The following CDH5 variants were observed in gnomAD, a reference collection of about 807,000 sequenced individuals.
CDH5 encodes cadherin 5, also known as cadherin-5.
A neutral mutation model predicts 62.0 loss-of-function variants in CDH5; 28 were observed. The ratio of observed to expected loss-of-function variants is 0.45; its 90% CI spans 0.33 to 0.62. CDH5 has a LOEUF of 0.62. Ranked by LOEUF, CDH5 falls within the 20% of genes least tolerant of loss-of-function variation. The probability of loss-of-function intolerance (pLI) is 0.02; values close to 1 mark genes in which losing one functional copy is unlikely to be tolerated. For missense variants in CDH5, 940 were observed against 1,065.1 expected (o/e 0.88, Z 1.63); for synonymous variants, 464 against 445.8 (o/e 1.04, Z -0.52).
chr16:66,401,909 G>T (rs1221761726), intron 11 of CDH5, among the ~76,000 whole-genome samples: 1 of 152,206 alleles, frequency 6.6e-6, no homozygotes, highest in East Asian at 1.9e-4. Context: ...ACAGCCACGG[G>T]GCACCTGCAA....
intron 11 of CDH5, 137 bp from the exon 12 acceptor site, chr16:66,402,515 G>T: frequency 2.9e-6 from 2 of 699,846 alleles, no homozygotes; most frequent in African/African-American, 2.1e-5. Context: ...GGGTTGCAGG[G>T]GAAGGGGGGG....
chr16:66,386,897 G>T lies in CDH5; in HGVS notation c.299G>T (p.Gly100Val). ...GTCTTCCGGGTCGATGCAGAGACAG[G>T]AGACGTGTTCGCCATTGAGAGGCTG... ...GKVFRVDAET[G>V]DVFAIERLDR... Residue 100 changes from glycine (G) to valine (V), a missense_variant, in exon 3 of 12, where the codon GGA becomes GTA. Transcript: ENST00000341529. 1 of 1,614,222 alleles carries T rather than the reference G, an allele frequency of 6.2e-7. No individual in the cohort carries two copies. The highest frequency in any genetic ancestry group is 8.5e-7 in the Non-Finnish European group (1 of 1,180,042).
chr16:66,374,591 G>A (rs1025204711), intron 1 of CDH5, among the ~76,000 whole-genome samples: 1 of 152,082 alleles, frequency 6.6e-6, no homozygotes, highest in Non-Finnish European at 1.5e-5. Flanking sequence ...GCCAGACAAA[G>A]CCCACTGAGG....
chr16:66,379,184 T>C, intron 1 of CDH5, 135 bp from the exon 2 acceptor site: 1 of 693,106 alleles, frequency 1.4e-6, no homozygotes, highest in Non-Finnish European at 2.5e-6. Context: ...GGAACAATAA[T>C]GTTAATTACC....
At chr16:66,401,768 C>A (rs11648893) in intron 11 of CDH5, among the ~76,000 whole-genome samples, 3,427 of 152,300 alleles carry the variant, frequency 0.023, 52 homozygotes, top group Non-Finnish European at 0.034. Context: ...CCAGCATCAT[C>A]CCACCGGGGG....
chr16:66,376,790 C>G (rs949140059), intron 1 of CDH5, among the ~76,000 whole-genome samples: 2 of 152,180 alleles, frequency 1.3e-5, no homozygotes, highest in Admixed American at 1.3e-4. Flanking sequence ...CATCTCTGAT[C>G]GCCAGCTGAT....
At position 66,386,845 on chromosome 16, in the gene CDH5, C is replaced by G; in HGVS notation, c.247C>G (p.Leu83Val). The change falls in exon 3 of 12, where the codon CTG (leucine) becomes GTG (valine). Residue 83 changes from leucine (L) to valine (V), a missense_variant. By Grantham distance (32) the Leu-to-Val change is conservative. Transcript: ENST00000341529. ...CGTGAGTCGCAAGAATGCCAAGTACCTGCTCAAAGGAGAATATGTGGGCAA... is the reference window on the plus strand; with the variant it reads ...CGTGAGTCGCAAGAATGCCAAGTACGTGCTCAAAGGAGAATATGTGGGCAA... ...SSVSRKNAKYLLKGEYVGKVF... is the reference protein window; with the variant it reads ...SSVSRKNAKYVLKGEYVGKVF... 6.2e-7 allele frequency: 1 copy of G among 1,613,528 alleles called. No individual in the cohort carries two copies. Among genetic ancestry groups the G allele is most frequent in the African/African-American group, 1.3e-5 (1 of 75,030 alleles).
chr16:66,400,975 A>C lies in CDH5; in HGVS notation c.1796A>C (p.Gln599Pro). 1 of 1,614,110 alleles carries C rather than the reference A, an allele frequency of 6.2e-7. No individual in the cohort carries two copies. The highest frequency in any genetic ancestry group is 8.5e-7 in the Non-Finnish European group (1 of 1,180,042). The change falls in exon 11 of 12, where the codon CAG becomes CCG. Residue 599 changes from glutamine (Q) to proline (P), a missense_variant. Physicochemically the swap from Gln to Pro is moderately conservative, Grantham distance 76. Coordinates refer to ENST00000341529, the MANE Select transcript of CDH5 (RefSeq NM_001795.5). Reference protein sequence around the residue: ...DMAAQVGVSIQAVVAILLCIL... With the variant: ...DMAAQVGVSIPAVVAILLCIL... ...GCCGCCCAGGTGGGCGTGAGCATCC[A>C]GGCAGTGGTAGCCATCTTACTCTGC... is the stretch of plus-strand genomic sequence containing the variant.
chr16:66,387,638 T>C (rs1380983766), intron 3 of CDH5, among the ~76,000 whole-genome samples: 1 of 152,252 alleles, frequency 6.6e-6, no homozygotes, highest in Non-Finnish European at 1.5e-5. Flanking sequence ...CACTACTCTT[T>C]GGAACAAACT....
Position 66,387,114 on chromosome 16 carries a change from C to G in CDH5, c.499+17C>G. 1.3e-6 allele frequency: 2 copies of G among 1,598,318 alleles called. No homozygotes were observed. Among genetic ancestry groups the G allele is most frequent in the Non-Finnish European group, 1.7e-6 (2 of 1,170,934 alleles). The stretch of plus-strand genomic sequence containing the variant: ...CGGCTGTGGGTACGTTGCATGCCCA[C>G]TCTGTCCTCCTCCCTCCCTCATCCC... On this transcript the variant is annotated intron_variant, in intron 3 of 11. Transcript: ENST00000341529.
chr16:66,392,665 CT>C, intron 7 of CDH5: 1 of 422,822 alleles, frequency 2.4e-6, no homozygotes, highest in Non-Finnish European at 4.3e-6. Flanking sequence ...CTCACCAGTC[CT>C]ATGTGGTAAG....
Position 66,374,102 on chromosome 16 carries a change from C to A in CDH5, c.-19-5217C>A, listed in dbSNP as rs139330938. Among the ~76,000 whole-genome samples the A allele has an allele frequency of 1.8e-3, 273 of 152,308 alleles. 2 individuals carry two copies. Among genetic ancestry groups the A allele is most frequent in the African/African-American group, 6.3e-3 (263 of 41,560 alleles). On this transcript the variant is annotated intron_variant, in intron 1 of 11. Coordinates refer to ENST00000341529, the MANE Select transcript of CDH5 (RefSeq NM_001795.5). ...AGATGACTTACGCTACCTCTCTGAG[C>A]CCCCATTTCTTTACCTGCAAAATGG...
intron 2 of CDH5, among the ~76,000 whole-genome samples, chr16:66,384,951 G>A: frequency 6.6e-6 from 1 of 151,062 alleles, no homozygotes; most frequent in East Asian, 2.0e-4. Context: ...GGGCAACAGA[G>A]CTAAACTCAA....
At chr16:66,397,183 A>G (rs1343214357) in intron 8 of CDH5, among the ~76,000 whole-genome samples, 1 of 152,086 alleles carries the variant, frequency 6.6e-6, no homozygotes, top group East Asian at 1.9e-4. Context: ...CTTAACCTTT[A>G]CTTAACCTTA....
At chr16:66,401,923 A>G (rs779528019) in intron 11 of CDH5, among the ~76,000 whole-genome samples, 3 of 152,198 alleles carry the variant, frequency 2.0e-5, no homozygotes, top group Non-Finnish European at 2.9e-5. Flanking sequence ...CCTGCAATAC[A>G]GATTCCAGGC....
chr16:66,403,045 G>C lies in CDH5; in HGVS notation c.2231G>C (p.Ser744Thr), dbSNP rs1028507243. ...TCCGAGTCCATAGCCGAGTCCCTCA[G>C]CTCCCTGGGCACCGACTCATCCGAC... ...EGSESIAESL[S>T]SLGTDSSDSD... The change falls in exon 12 of 12, where the codon AGC becomes ACC. Residue 744 changes from serine (S) to threonine (T), a missense_variant. By Grantham distance (58) the Ser-to-Thr change is moderately conservative. Coordinates refer to ENST00000341529, the MANE Select transcript of CDH5 (RefSeq NM_001795.5). The surrounding 1 kb of genome is among the most constrained non-coding windows in gnomAD (Gnocchi z 4.3). The C allele has an allele frequency of 6.2e-7, 1 of 1,613,508 alleles. No homozygotes were observed. Among genetic ancestry groups the C allele is most frequent in the East Asian group, 2.2e-5 (1 of 44,846 alleles).
chr16:66,388,199 T>C, intron 3 of CDH5, 125 bp from the exon 4 acceptor site: 1 of 666,126 alleles, frequency 1.5e-6, no homozygotes, highest in Non-Finnish European at 2.6e-6. Flanking sequence ...AAAACAGCCT[T>C]TTATTCCCAG....
intron 7 of CDH5, among the ~76,000 whole-genome samples, chr16:66,395,018 CT>C (rs1174519256): frequency 7.2e-5 from 1 of 13,804 alleles, no homozygotes; most frequent in African/African-American, 2.2e-4. Flanking sequence ...CCAGGCTAAT[CT>C]TTTTTTTTTT....
At chr16:66,395,070 A>G (rs1381207147) in intron 7 of CDH5, among the ~76,000 whole-genome samples, 2 of 30,412 alleles carry the variant, frequency 6.6e-5, no homozygotes, top group Non-Finnish European at 1.3e-4. Flanking sequence ...TTTTGGTGAG[A>G]CAGGGTCTCA....
Sources: allele counts gnomAD v4.1 joint callset (sites outside exome capture counted in the v4.1 genomes callset), GRCh38; gene constraint gnomAD v4.1.1; non-coding constraint Gnocchi (gnomAD v3.1); transcripts MANE v1.5; gene names NCBI Gene and HGNC (gene_info 2026-07-23, HGNC 2026-07-21).